Variants in ADAMTS17 observed in about 807,000 individuals in gnomAD.
The protein encoded by ADAMTS17 is A disintegrin and metalloproteinase with thrombospondin motifs 17.
ADAMTS17 carries 113 observed loss-of-function variants against 141.5 expected under a neutral mutation model. The observed-to-expected ratio is 0.80, with a 90% CI of 0.69 to 0.93. ADAMTS17 has a LOEUF of 0.93. Among genes scored for constraint, ADAMTS17 ranks in the 40% least tolerant of loss-of-function variants. The pLI is 0.00. For synonymous variants in ADAMTS17, 768 were observed against 630.6 expected, an observed-to-expected ratio of 1.22 and a Z score of -3.27; for missense variants, 1,659 against 1,517.9, an observed-to-expected ratio of 1.09 and a Z score of -1.54.
chr15:100,121,956 G>A (rs1218609753), intron 12 of ADAMTS17, among the ~76,000 whole-genome samples: 1 of 152,124 alleles, frequency 6.6e-6, no homozygotes. Context: ...TCTTAAGTGT[G>A]GCTTCCCAGA....
chr15:100,235,190 C>T (rs1225180693), intron 7 of ADAMTS17, among the ~76,000 whole-genome samples: 1 of 152,128 alleles, frequency 6.6e-6, no homozygotes, highest in African/African-American at 2.4e-5. Context: ...TCAGAAGCCT[C>T]TTCTGTCAGC....
intron 15 of ADAMTS17, among the ~76,000 whole-genome samples, 182 bp downstream of exon 15, chr15:100,096,174 G>A (rs2035744527): frequency 6.6e-6 from 1 of 152,210 alleles, no homozygotes; most frequent in African/African-American, 2.4e-5. Context: ...CTAGCAACGT[G>A]AAGGCATCAT....
chr15:100,182,922 C>A (rs1454093064), intron 8 of ADAMTS17, among the ~76,000 whole-genome samples: 1 of 152,132 alleles, frequency 6.6e-6, no homozygotes, highest in Non-Finnish European at 1.5e-5. Context: ...GGGATGTTTT[C>A]GGACTTTATT....
At chr15:100,118,226 T>A (rs933360105) in intron 12 of ADAMTS17, among the ~76,000 whole-genome samples, 3 of 152,206 alleles carry the variant, frequency 2.0e-5, no homozygotes, top group African/African-American at 2.4e-5. Flanking sequence ...AGAGATAACA[T>A]GTAAAAGAAC....
At chr15:100,093,765 T>C (rs1258454834) in intron 15 of ADAMTS17, among the ~76,000 whole-genome samples, 2 of 152,140 alleles carry the variant, frequency 1.3e-5, no homozygotes, top group East Asian at 3.8e-4. Flanking sequence ...CATAGGCTGA[T>C]GCTGTCTGTT....
chr15:100,233,760 T>C (rs1228676607), intron 7 of ADAMTS17, among the ~76,000 whole-genome samples: 1 of 151,822 alleles, frequency 6.6e-6, no homozygotes, highest in Non-Finnish European at 1.5e-5. Flanking sequence ...GTTATGGAGA[T>C]GTCAGGGGGA....
At chr15:100,140,224 A>C (rs2038557711) in intron 10 of ADAMTS17, among the ~76,000 whole-genome samples, 1 of 151,934 alleles carries the variant, frequency 6.6e-6, no homozygotes, top group Admixed American at 6.6e-5. Flanking sequence ...TCAAACCCCT[A>C]ACCTCTGGTG....
rs529359251 is a variant in ADAMTS17 at position 100,100,809 on chromosome 15, C to T, written c.2017-4333G>A. On this transcript the variant is annotated intron_variant, in intron 14 of 21. Transcript: ENST00000268070. ...AAAGATCCCCACTGCCTATCAGAAA[C>T]GTCCGCACATATGAATTTAAGACCC... 2.6e-5 allele frequency among the ~76,000 whole-genome samples: 4 copies of T among 152,254 alleles called. No individual in the cohort carries two copies. The South Asian group carries it at 6.2e-4, about 24-fold the overall frequency.
intron 7 of ADAMTS17, among the ~76,000 whole-genome samples, chr15:100,220,530 C>T (rs967695326): frequency 3.3e-5 from 5 of 152,216 alleles, no homozygotes; most frequent in African/African-American, 1.2e-4. Context: ...ATAATTCACA[C>T]ACCATTAAGT....
intron 3 of ADAMTS17, among the ~76,000 whole-genome samples, chr15:100,326,913 GGTAA>G (rs2045918333): frequency 6.6e-6 from 1 of 152,156 alleles, no homozygotes; most frequent in Admixed American, 6.5e-5. Context: ...GTGAAGCTTG[GGTAA>G]GTGTTACCTG....
intron 4 of ADAMTS17, among the ~76,000 whole-genome samples, chr15:100,265,747 AC>A (rs1263143267): frequency 2.6e-5 from 4 of 152,172 alleles, no homozygotes; most frequent in African/African-American, 9.7e-5. Context: ...GGTTGCATAC[AC>A]TGCTATTAAG....
chr15:100,139,729 A>G (rs1244634534), intron 10 of ADAMTS17, among the ~76,000 whole-genome samples: 1 of 152,226 alleles, frequency 6.6e-6, no homozygotes, highest in Non-Finnish European at 1.5e-5. Flanking sequence ...TCGTGAGAAC[A>G]CATCAGACAA....
intron 12 of ADAMTS17, chr15:100,129,536 G>A (rs1044324488): frequency 6.6e-6 from 1 of 152,258 alleles, no homozygotes. Context: ...CTCAGGTCAG[G>A]AGTTTGAGAC....
chr15:100,195,816 CTCT>C (rs2041095659), intron 8 of ADAMTS17, among the ~76,000 whole-genome samples: 1 of 152,104 alleles, frequency 6.6e-6, no homozygotes, highest in Non-Finnish European at 1.5e-5. Context: ...TCTACAAGTT[CTCT>C]TATTATTTAT....
intron 7 of ADAMTS17, among the ~76,000 whole-genome samples, chr15:100,243,810 A>T (rs1238251634): frequency 8.8e-6 from 1 of 113,478 alleles, no homozygotes; most frequent in African/African-American, 3.3e-5. Flanking sequence ...AAAAGAAAGA[A>T]AAGAAAAAGA....
chr15:100,120,128 G>A (rs1048207032), intron 12 of ADAMTS17, among the ~76,000 whole-genome samples: 4 of 152,170 alleles, frequency 2.6e-5, no homozygotes, highest in African/African-American at 7.2e-5. Context: ...GAATGATGTC[G>A]GGAAGAGAGC....
intron 8 of ADAMTS17, among the ~76,000 whole-genome samples, chr15:100,199,017 G>C (rs180910336): frequency 1.3e-5 from 2 of 152,200 alleles, no homozygotes; most frequent in East Asian, 1.9e-4. Context: ...GATCATGCTC[G>C]TCCCGGAAAG....
At chr15:100,118,143 T>C (rs1003093263) in intron 12 of ADAMTS17, among the ~76,000 whole-genome samples, 1 of 152,232 alleles carries the variant, frequency 6.6e-6, no homozygotes, top group South Asian at 2.1e-4. Flanking sequence ...AAGGGCCAGA[T>C]AGTGAATATT....
chr15:100,161,711 C>CA (rs1175464042), intron 8 of ADAMTS17, among the ~76,000 whole-genome samples: 1 of 152,200 alleles, frequency 6.6e-6, no homozygotes, highest in Non-Finnish European at 1.5e-5. Flanking sequence ...ATTGTGCCCC[C>CA]AGTCTTGAGC....
Sources: gnomAD v4.1 joint callset for allele counts (sites outside exome capture counted in the v4.1 genomes callset) on GRCh38, gnomAD v4.1.1 for gene constraint, MANE v1.5 for transcripts, NCBI Gene and HGNC (gene_info 2026-07-23, HGNC 2026-07-21) for gene names.